Variants in TTLL7 observed in about 807,000 individuals in gnomAD.
TTLL7 encodes tubulin polyglutamylase TTLL7.
Under a neutral mutation model 120.2 loss-of-function variants are expected in TTLL7, and 53 were observed. The ratio of observed to expected loss-of-function variants is 0.44; its 90% CI spans 0.35 to 0.55. The LOEUF is 0.55. TTLL7 is among the 20% of genes least tolerant of loss of function. The pLI is 0.00. For missense variants in TTLL7, 803 were observed against 1,054.7 expected (o/e 0.76, Z 3.31); for synonymous variants, 353 against 351.7 (o/e 1.00, Z -0.04).
chr1:83,963,354 C>T (rs1650176623), intron 1 of TTLL7, among the ~76,000 whole-genome samples: 1 of 151,912 alleles, frequency 6.6e-6, no homozygotes, highest in African/African-American at 2.4e-5. Context: ...GGATACACTA[C>T]CTGCAGTTGC....
intron 13 of TTLL7, among the ~76,000 whole-genome samples, chr1:83,919,023 GA>G (rs1658420289): frequency 6.6e-6 from 1 of 151,966 alleles, no homozygotes; most frequent in South Asian, 2.1e-4. Context: ...CCAGCTCCCA[GA>G]TGTTTCAGCT....
At position 83,906,284 on chromosome 1, in the gene TTLL7, A is replaced by T. The variant is rs201176939; in HGVS notation, c.2127+45T>A. 3.8e-4 allele frequency: 571 copies of T among 1,491,890 alleles called. 3 individuals are homozygous for T. The Middle Eastern group carries it at 4.0e-3, about 10-fold the overall frequency. The allele number at this position is 1,491,890 out of a possible 1,614,324, so 92.4% of individuals were successfully genotyped here. A position where few individuals can be genotyped will look rare whatever the true frequency, so the allele number is the denominator to read the frequency against. On this transcript the variant is annotated intron_variant, in intron 17 of 20. Coordinates refer to ENST00000260505, the MANE Select transcript of TTLL7 (RefSeq NM_024686.6). ...AAATTTTAATATTTTAAGAAGAATA[A>T]AAAGGTACCAGCTCCTTGGCATTTT...
At chr1:83,974,282 T>C (rs1329081906) in intron 1 of TTLL7, among the ~76,000 whole-genome samples, 3 of 152,020 alleles carry the variant, frequency 2.0e-5, no homozygotes, top group Non-Finnish European at 4.4e-5. Context: ...AGTGCCATTA[T>C]AGAAGCTGTC....
chr1:83,975,384 C>A (rs1255120992), intron 1 of TTLL7, among the ~76,000 whole-genome samples: 1 of 152,114 alleles, frequency 6.6e-6, no homozygotes, highest in Non-Finnish European at 1.5e-5. Flanking sequence ...ATTTCATTTA[C>A]TCCTCACATA....
chr1:83,882,129 C>T (rs1394964945), intron 20 of TTLL7, among the ~76,000 whole-genome samples: 1 of 150,614 alleles, frequency 6.6e-6, no homozygotes, highest in Non-Finnish European at 1.5e-5. Context: ...AGGAGATACA[C>T]CTAATGGTAA....
At chr1:83,944,702 C>A (rs551323170) in intron 6 of TTLL7, among the ~76,000 whole-genome samples, 1 of 152,198 alleles carries the variant, frequency 6.6e-6, no homozygotes, top group South Asian at 2.1e-4. Flanking sequence ...AGTGACAGAG[C>A]GAGACTCCGT....
rs770134968 is a variant in TTLL7, at chr1:83,907,530, A to G, written c.1918T>C (p.Ser640Pro). The change falls in exon 16 of 21, where the codon TCC (serine) becomes CCC (proline). Residue 640 changes from serine to proline, a missense_variant. Ser to Pro is a moderately conservative substitution (Grantham distance 74). This residue lies in a region of TTLL7 where 388 missense variants were observed against 450.4 expected (regional missense o/e 0.86). Coordinates refer to ENST00000260505, the MANE Select transcript of TTLL7 (RefSeq NM_024686.6). ...ATGTAGGAGGAAGCACGGTTTAAGG[A>G]ATGTGACCGAGATGCAGAAGTTGGC... ...SRPTSASRSHSLNRASSYMRH... is the reference protein window; with the variant it reads ...SRPTSASRSHPLNRASSYMRH... 1.2e-6 allele frequency: 2 copies of G among 1,613,266 alleles called. No homozygotes were observed. The highest frequency in any genetic ancestry group is 2.2e-5 in the South Asian group (2 of 91,066).
chr1:83,935,160 C>T (rs1003885288), intron 8 of TTLL7, among the ~76,000 whole-genome samples: 2 of 151,946 alleles, frequency 1.3e-5, no homozygotes, highest in African/African-American at 4.8e-5. Flanking sequence ...CATGACAGCA[C>T]CATAGCATAT....
In TTLL7 at chr1:83,892,287, T is replaced by TAC. The variant is rs74633632; in HGVS notation, c.2209-1807_2209-1806insGT. Among the ~76,000 whole-genome samples the TAC allele has an allele frequency of 6.6e-3, 402 of 61,338 alleles. 60 individuals carry two copies. Among genetic ancestry groups the TAC allele is most frequent in the Non-Finnish European group, 0.011 (233 of 22,142 alleles). The allele number at this position is 61,338 out of a possible 152,430, so 40.2% of individuals were successfully genotyped here. On this transcript the variant is annotated intron_variant, in intron 18 of 20. Coordinates refer to ENST00000260505, the MANE Select transcript of TTLL7 (RefSeq NM_024686.6). ...ATATACGAATATATATGAATATATA[T>TAC]GTATATATGAATATATATACGAATA...
intron 10 of TTLL7, among the ~76,000 whole-genome samples, chr1:83,926,852 A>G (rs1414929608): frequency 6.6e-6 from 1 of 152,184 alleles, no homozygotes; most frequent in Non-Finnish European, 1.5e-5. Context: ...TAGAATACTT[A>G]TGGAGGAAAA....
chr1:83,911,366 A>G lies in TTLL7; in HGVS notation c.1588-3T>C. 6.3e-7 allele frequency: 1 copy of G among 1,594,894 alleles called. No individual in the cohort carries two copies. Among genetic ancestry groups the G allele is most frequent in the African/African-American group, 1.4e-5 (1 of 73,862 alleles). On this transcript the variant is annotated splice_polypyrimidine_tract_variant and splice_region_variant and intron_variant, in intron 14 of 20. Coordinates refer to ENST00000260505, the MANE Select transcript of TTLL7 (RefSeq NM_024686.6). ...CTCTCAGGCATAGAACACAGAGGCT[A>G]AAAAAGATGGAAATGTGTTATTTTG...
At chr1:83,906,555 C>T (rs773631679) in intron 16 of TTLL7, 92 bp from the exon 17 acceptor site, 2 of 1,558,160 alleles carry the variant, frequency 1.3e-6, no homozygotes, top group East Asian at 2.3e-5. Flanking sequence ...AAATGATGCA[C>T]TTTTAACTGA....
At chr1:83,900,122 C>A (rs865984697) in intron 18 of TTLL7, 7 of 432,630 alleles carry the variant, frequency 1.6e-5, no homozygotes, top group South Asian at 8.6e-5. Flanking sequence ...GTTTAACAGG[C>A]CTTCTCACAT....
intron 9 of TTLL7, 104 bp downstream of exon 9, chr1:83,933,504 T>C: frequency 8.2e-7 from 1 of 1,221,310 alleles, no homozygotes; most frequent in Non-Finnish European, 1.2e-6. Flanking sequence ...GCCTTCATTC[T>C]GGACAGTTAA....
At chr1:83,936,008 C>G (rs1647343868) in intron 8 of TTLL7, among the ~76,000 whole-genome samples, 1 of 152,040 alleles carries the variant, frequency 6.6e-6, no homozygotes, top group Non-Finnish European at 1.5e-5. Flanking sequence ...ACTAACATAG[C>G]CAAGAATGAT....
chr1:83,952,166 T>C (rs1649126745), intron 2 of TTLL7, 21 bp downstream of exon 2: 2 of 1,611,018 alleles, frequency 1.2e-6, no homozygotes, highest in Non-Finnish European at 1.7e-6. Context: ...TTTTGTAACA[T>C]AGTTAAGTCA....
chr1:83,914,676 C>A (rs1657987298), intron 14 of TTLL7, among the ~76,000 whole-genome samples: 1 of 152,106 alleles, frequency 6.6e-6, no homozygotes, highest in South Asian at 2.1e-4. Context: ...TTTTCAAGAT[C>A]CAGTTCTAAT....
At chr1:83,932,411 C>A (rs116517775) in intron 9 of TTLL7, among the ~76,000 whole-genome samples, 1 of 151,884 alleles carries the variant, frequency 6.6e-6, no homozygotes, top group Non-Finnish European at 1.5e-5. Flanking sequence ...ATCCAAGGAA[C>A]GGAGGAAGCA....
chr1:83,963,745 G>C (rs148868410), intron 1 of TTLL7, among the ~76,000 whole-genome samples: 378 of 152,170 alleles, frequency 2.5e-3, no homozygotes, highest in African/African-American at 8.7e-3. Flanking sequence ...AAACTGCTGA[G>C]CTACTATATC....
Sources: gnomAD v4.1 joint callset for allele counts (sites outside exome capture counted in the v4.1 genomes callset) on GRCh38, gnomAD v4.1.1 for gene constraint, gnomAD v4.1.1 regional missense constraint, MANE v1.5 for transcripts, NCBI Gene and HGNC (gene_info 2026-07-23, HGNC 2026-07-21) for gene names.